The following EGFR variants were observed in gnomAD, a reference collection of about 807,000 sequenced individuals.
EGFR encodes epidermal growth factor receptor, also known as avian erythroblastic leukemia viral (v-erb-b) oncogene homolog.
In EGFR, 58 loss-of-function variants were observed where a neutral mutation model predicts 143.0. That is an observed-to-expected ratio of 0.41 (90% CI 0.33 to 0.50). The LOEUF is 0.50. Among genes scored for constraint, EGFR ranks in the 20% least tolerant of loss-of-function variants. EGFR has a pLI of 0.39. For missense variants in EGFR, 1,307 were observed against 1,579.0 expected, an observed-to-expected ratio of 0.83 and a Z score of 2.92; for synonymous variants, 613 against 594.4, an observed-to-expected ratio of 1.03 and a Z score of -0.45.
chr7:55,028,816 A>G (rs993036003), intron 1 of EGFR, among the ~76,000 whole-genome samples: 2 of 152,206 alleles, frequency 1.3e-5, no homozygotes, highest in Non-Finnish European at 2.9e-5. Context: ...TGGAACCCCA[A>G]TGTCAGATGT....
chr7:55,083,458 G>C (rs1474214808), intron 1 of EGFR, among the ~76,000 whole-genome samples: 1 of 152,188 alleles, frequency 6.6e-6, no homozygotes, highest in Admixed American at 6.5e-5. Context: ...TGACGTCAGT[G>C]GTCTAGACCT....
chr7:55,019,451 G>C (rs1028662225), intron 1 of EGFR, 86 bp downstream of exon 1: 2 of 824,038 alleles, frequency 2.4e-6, no homozygotes, highest in African/African-American at 3.7e-5. Flanking sequence ...CCGGCGCACC[G>C]GCTCGGCGCC....
chr7:55,088,558 A>G (rs1474033034), intron 1 of EGFR, among the ~76,000 whole-genome samples: 1 of 152,336 alleles, frequency 6.6e-6, no homozygotes, highest in East Asian at 1.9e-4. Flanking sequence ...TGCCTGGCAC[A>G]TGCTTGTGTT....
In EGFR at chr7:55,205,481, G is replaced by A. The variant is rs1788073880; in HGVS notation, c.3497G>A (p.Ser1166Asn). ...HWAQKGSHQI[S>N]LDNPDYQQDF... ...GCCCAGAAAGGCAGCCACCAAATTA[G>A]CCTGGACAACCCTGACTACCAGCAG... is the stretch of plus-strand genomic sequence containing the variant. The change falls in exon 28 of 28, where the codon AGC becomes AAC. Residue 1166 changes from serine (S) to asparagine (N), a missense_variant. Physicochemically the swap from Ser to Asn is conservative, Grantham distance 46. Coordinates refer to ENST00000275493, the MANE Select transcript of EGFR (RefSeq NM_005228.5). 3 of 1,614,028 alleles carry A rather than the reference G, an allele frequency of 1.9e-6. No individual in the cohort carries two copies. Among genetic ancestry groups the A allele is most frequent in the South Asian group, 2.2e-5 (2 of 91,084 alleles).
At chr7:55,066,418 A>G (rs536992553) in intron 1 of EGFR, among the ~76,000 whole-genome samples, 3 of 134,322 alleles carry the variant, frequency 2.2e-5, no homozygotes, top group African/African-American at 8.9e-5. Flanking sequence ...CGACAGGGCA[A>G]GGGAGCTTGG....
chr7:55,026,883 A>C (rs199783356), intron 1 of EGFR, among the ~76,000 whole-genome samples: 1 of 147,542 alleles, frequency 6.8e-6, no homozygotes, highest in Non-Finnish European at 1.5e-5. Context: ...AAAAAAAGGG[A>C]AAAAAAAAAG....
At chr7:55,204,941 A>G (rs752712468) in intron 27 of EGFR, among the ~76,000 whole-genome samples, 1 of 151,962 alleles carries the variant, frequency 6.6e-6, no homozygotes, top group Non-Finnish European at 1.5e-5. Flanking sequence ...CACACACCAG[A>G]CACACATACC....
At chr7:55,026,122 T>C (rs74832754) in intron 1 of EGFR, among the ~76,000 whole-genome samples, 1 of 152,206 alleles carries the variant, frequency 6.6e-6, no homozygotes, top group Non-Finnish European at 1.5e-5. Flanking sequence ...GAATGGAGCC[T>C]GGCACACACA....
chr7:55,186,444 C>G (rs1025075628), intron 20 of EGFR, among the ~76,000 whole-genome samples: 2 of 152,218 alleles, frequency 1.3e-5, no homozygotes, highest in Non-Finnish European at 1.5e-5. Context: ...CAGCCCTGCA[C>G]CTCCTGATCC....
intron 1 of EGFR, among the ~76,000 whole-genome samples, chr7:55,121,248 T>C (rs561694638): frequency 1.3e-5 from 2 of 152,314 alleles, no homozygotes; most frequent in East Asian, 3.9e-4. Context: ...AACTCTGATA[T>C]GGAAGAGAAG....
At chr7:55,204,139 C>T (rs1174768378) in intron 27 of EGFR, among the ~76,000 whole-genome samples, 1 of 95,752 alleles carries the variant, frequency 1.0e-5, no homozygotes, top group African/African-American at 3.3e-5. Flanking sequence ...CTTTACACAC[C>T]AACTACACAC....
At chr7:55,034,684 G>T (rs993024074) in intron 1 of EGFR, among the ~76,000 whole-genome samples, 6 of 152,158 alleles carry the variant, frequency 3.9e-5, no homozygotes, top group South Asian at 2.1e-4. Flanking sequence ...ACTTATCATT[G>T]TTCTCTAAGT....
At chr7:55,089,880 C>T (rs1790998818) in intron 1 of EGFR, among the ~76,000 whole-genome samples, 2 of 152,180 alleles carry the variant, frequency 1.3e-5, no homozygotes, top group Non-Finnish European at 2.9e-5. Context: ...CCTGTCAATA[C>T]AAGCTGCTCA....
rs774121381 is a variant in EGFR at position 55,157,700 on chromosome 7, G to A, written c.1245G>A (p.Thr415=). The change falls in exon 11 of 28, where the codon ACG becomes ACA. Residue 415 remains threonine, a synonymous_variant. Coordinates refer to ENST00000275493, the MANE Select transcript of EGFR (RefSeq NM_005228.5). ...LLIQAWPENR[T]DLHAFENLEI... is the part of the protein sequence containing the mutation. ...TTCAGGCTTGGCCTGAAAACAGGAC[G>A]GACCTCCATGCCTTTGAGAACCTAG... 1.9e-6 allele frequency: 3 copies of A among 1,614,208 alleles called. No individual in the cohort carries two copies. The highest frequency in any genetic ancestry group is 2.5e-6 in the Non-Finnish European group (3 of 1,180,030).
rs749002473 is a variant in EGFR at position 55,146,706 on chromosome 7, C to T, written c.525C>T (p.Asn175=). 8.1e-6 allele frequency: 13 copies of T among 1,614,074 alleles called. No individual in the cohort carries two copies. Among genetic ancestry groups the T allele is most frequent in the Non-Finnish European group, 1.0e-5 (12 of 1,180,042 alleles). ...TAGTCAGCAGTGACTTTCTCAGCAACATGTCGATGGACTTCCAGAACCACC... is the reference window on the plus strand; with the variant it reads ...TAGTCAGCAGTGACTTTCTCAGCAATATGTCGATGGACTTCCAGAACCACC... ...RDIVSSDFLS[N]MSMDFQNHLG... Residue 175 remains asparagine (N), a synonymous_variant, in exon 4 of 28, where the codon AAC becomes AAT. Transcript: ENST00000275493.
intron 1 of EGFR, among the ~76,000 whole-genome samples, chr7:55,107,646 G>T (rs1792217578): frequency 6.6e-6 from 1 of 152,204 alleles, no homozygotes; most frequent in Admixed American, 6.5e-5. Context: ...TCACGGCAGT[G>T]AATTCCAGTT....
At chr7:55,152,478 T>G in intron 5 of EGFR, 68 bp from the exon 6 acceptor site, 2 of 1,418,454 alleles carry the variant, frequency 1.4e-6, no homozygotes, top group South Asian at 1.1e-5. Flanking sequence ...GCAAGTGCTC[T>G]GCGACATCCC....
Position 55,026,219 on chromosome 7 carries a change from C to T in EGFR, c.88+6854C>T, listed in dbSNP as rs974930867. On this transcript the variant is annotated intron_variant, in intron 1 of 27. Coordinates refer to ENST00000275493, the MANE Select transcript of EGFR (RefSeq NM_005228.5). ...ACGAAAGAAATCTTGTCTTTGCTCT[C>T]AGACCCCCATTTCTTACTCATCTCA... Among the ~76,000 whole-genome samples, 12 of 152,318 alleles carry T rather than the reference C, an allele frequency of 7.9e-5. No homozygotes were observed. In the East Asian group the frequency reaches 1.9e-3, roughly 25 times the overall value.
intron 22 of EGFR, among the ~76,000 whole-genome samples, chr7:55,194,051 G>C (rs1397727617): frequency 2.0e-5 from 3 of 152,022 alleles, no homozygotes; most frequent in Non-Finnish European, 2.9e-5. Context: ...GCCATTTTCA[G>C]AATGTATCTC....
Sources: gnomAD v4.1 joint callset for allele counts (sites outside exome capture counted in the v4.1 genomes callset) on GRCh38, gnomAD v4.1.1 for gene constraint, MANE v1.5 for transcripts, NCBI Gene and HGNC (gene_info 2026-07-23, HGNC 2026-07-21) for gene names.